TAF4B: variants seen among roughly 807,000 people sequenced by gnomAD.
The protein encoded by TAF4B is transcription initiation factor TFIID subunit 4B.
TAF4B carries 38 observed loss-of-function variants against 86.4 expected under a neutral mutation model. That is an observed-to-expected ratio of 0.44 (90% CI 0.34 to 0.58). The LOEUF (loss-of-function observed/expected upper bound fraction) is 0.58, where lower values mean the gene tolerates loss of function less well. TAF4B is among the 20% of genes least tolerant of loss of function. The pLI is 0.02. For missense variants in TAF4B, 988 were observed against 1,027.6 expected (o/e 0.96, Z 0.53); for synonymous variants, 388 against 391.2 (o/e 0.99, Z 0.10).
intron 1 of TAF4B, among the ~76,000 whole-genome samples, chr18:26,241,775 G>A (rs1041514172): frequency 6.6e-6 from 1 of 152,132 alleles, no homozygotes; most frequent in Admixed American, 6.5e-5. Flanking sequence ...AGAGATTCTG[G>A]TATGTTGTGT....
At chr18:26,260,637 C>G (rs1237771308) in intron 1 of TAF4B, among the ~76,000 whole-genome samples, 1 of 152,088 alleles carries the variant, frequency 6.6e-6, no homozygotes, top group Non-Finnish European at 1.5e-5. Context: ...TTCCATTGGT[C>G]TATATTTTTC....
At chr18:26,386,420 AT>A (rs570678332) in intron 14 of TAF4B, among the ~76,000 whole-genome samples, 4 of 151,420 alleles carry the variant, frequency 2.6e-5, no homozygotes, top group African/African-American at 9.7e-5. Context: ...TAGCAATTTA[AT>A]TTTTTTTATT....
intron 13 of TAF4B, among the ~76,000 whole-genome samples, chr18:26,354,025 A>G (rs2057266510): frequency 6.6e-6 from 1 of 152,104 alleles, no homozygotes; most frequent in South Asian, 2.1e-4. Flanking sequence ...TTGGATCCAG[A>G]TTGATTTTTA....
intron 12 of TAF4B, among the ~76,000 whole-genome samples, chr18:26,333,711 C>G (rs1413376518): frequency 1.3e-5 from 2 of 152,152 alleles, no homozygotes; most frequent in Non-Finnish European, 2.9e-5. Context: ...TTTTATAGCA[C>G]TTAACAGTGT....
chr18:26,273,938 C>T (rs2056351476), intron 3 of TAF4B, among the ~76,000 whole-genome samples: 1 of 152,024 alleles, frequency 6.6e-6, no homozygotes, highest in African/African-American at 2.4e-5. Context: ...ATTCCTTATC[C>T]CTGATCCCCA....
At chr18:26,320,838 G>A (rs1177208599) in intron 10 of TAF4B, among the ~76,000 whole-genome samples, 1 of 152,142 alleles carries the variant, frequency 6.6e-6, no homozygotes, top group Non-Finnish European at 1.5e-5. Flanking sequence ...CAAGGAGAAT[G>A]ATTCTAGAGG....
At chr18:26,326,102 G>A (rs989261330) in intron 11 of TAF4B, among the ~76,000 whole-genome samples, 6 of 152,076 alleles carry the variant, frequency 3.9e-5, no homozygotes, top group East Asian at 1.9e-4. Flanking sequence ...TTGAATATCC[G>A]AATTACTGAG....
chr18:26,344,832 GAC>G (rs1231225547), intron 13 of TAF4B, among the ~76,000 whole-genome samples: 1 of 152,114 alleles, frequency 6.6e-6, no homozygotes, highest in African/African-American at 2.4e-5. Context: ...GGGGAATGGA[GAC>G]ACACCTATAA....
chr18:26,297,588 A>G (rs939916035), intron 9 of TAF4B, among the ~76,000 whole-genome samples: 4 of 152,178 alleles, frequency 2.6e-5, no homozygotes, highest in Non-Finnish European at 5.9e-5. Context: ...CACACATCAT[A>G]CAGTTCATGT....
chr18:26,255,643 T>C, intron 1 of TAF4B: 1 of 964,256 alleles, frequency 1.0e-6, no homozygotes, highest in Non-Finnish European at 1.6e-6. Flanking sequence ...TGCTTTGTGG[T>C]CTTCAAAATT....
intron 11 of TAF4B, among the ~76,000 whole-genome samples, chr18:26,324,117 TC>T (rs2056985230): frequency 6.6e-6 from 1 of 152,204 alleles, no homozygotes; most frequent in Admixed American, 6.5e-5. Flanking sequence ...AAATCTACAA[TC>T]TAGTTTGGAT....
At chr18:26,356,156 A>G (rs1440851414) in intron 13 of TAF4B, among the ~76,000 whole-genome samples, 2 of 152,072 alleles carry the variant, frequency 1.3e-5, no homozygotes, top group Non-Finnish European at 2.9e-5. Flanking sequence ...GTCTGGTTAG[A>G]GCCTACTTGC....
chr18:26,249,479 A>C (rs569944816), intron 1 of TAF4B, among the ~76,000 whole-genome samples: 335 of 149,248 alleles, frequency 2.2e-3, no homozygotes, highest in African/African-American at 7.4e-3. Flanking sequence ...CTCTCTCTCA[A>C]AAAAAAAAAA....
chr18:26,315,544 A>C (rs1179498235), intron 10 of TAF4B, 146 bp downstream of exon 10: 1 of 514,224 alleles, frequency 1.9e-6, no homozygotes, highest in East Asian at 3.0e-5. Flanking sequence ...TGGGCATTAC[A>C]GAAAGAAGTA....
In TAF4B at chr18:26,242,600, G is replaced by A. The variant is rs543691698; in HGVS notation, c.343+15324G>A. Reference sequence around the variant, plus strand: ...CCCATTTACATTTAAGGTTAATATTGTTATGTGTGAATTTGATCCTGTCAT... The same window carrying A: ...CCCATTTACATTTAAGGTTAATATTATTATGTGTGAATTTGATCCTGTCAT... On this transcript the variant is annotated intron_variant, in intron 1 of 14. Transcript: ENST00000269142. 9.6e-3 allele frequency among the ~76,000 whole-genome samples: 1,465 copies of A among 152,204 alleles called. 14 individuals are homozygous for A. The highest frequency in any genetic ancestry group is 0.033 in the African/African-American group (1,360 of 41,522).
intron 1 of TAF4B, among the ~76,000 whole-genome samples, chr18:26,238,848 T>C (rs930928445): frequency 6.6e-6 from 1 of 152,212 alleles, no homozygotes; most frequent in African/African-American, 2.4e-5. Context: ...TGTTTGGTTT[T>C]CAGTCCTTGC....
Position 26,390,079 on chromosome 18 carries a change from T to G in TAF4B, c.*67T>G. Reference sequence around the variant, plus strand: ...AAGAAGACACAAAGCATTGTTGCACTGTCCTGAAATTTCAATTTCTGGAAA... The same window carrying G: ...AAGAAGACACAAAGCATTGTTGCACGGTCCTGAAATTTCAATTTCTGGAAA... On this transcript the variant is annotated 3_prime_UTR_variant, in exon 15 of 15. Coordinates refer to ENST00000269142, the MANE Select transcript of TAF4B (RefSeq NM_005640.3). 8 of 1,464,868 alleles carry G rather than the reference T, an allele frequency of 5.5e-6. No homozygotes were observed. The highest frequency in any genetic ancestry group is 7.3e-6 in the Non-Finnish European group (8 of 1,092,480). 90.7% of individuals were successfully genotyped at this position (1,464,868 alleles called of 1,614,324 possible). A position where few individuals can be genotyped will look rare whatever the true frequency, so the allele number is the denominator to read the frequency against.
At chr18:26,328,460 T>C (rs2057023874) in intron 12 of TAF4B, among the ~76,000 whole-genome samples, 1 of 151,766 alleles carries the variant, frequency 6.6e-6, no homozygotes, top group Admixed American at 6.6e-5. Flanking sequence ...AAAAAATAAA[T>C]AAATAAAAAC....
At chr18:26,357,646 A>G (rs1342377325) in intron 13 of TAF4B, 44 bp from the exon 14 acceptor site, 1 of 1,364,374 alleles carries the variant, frequency 7.3e-7, no homozygotes, top group Admixed American at 1.9e-5. Flanking sequence ...CCCTCTGAGC[A>G]TGAATGTGTA....
Sources: gnomAD v4.1 joint callset for allele counts (sites outside exome capture counted in the v4.1 genomes callset) on GRCh38, gnomAD v4.1.1 for gene constraint, MANE v1.5 for transcripts, NCBI Gene and HGNC (gene_info 2026-07-23, HGNC 2026-07-21) for gene names.